PCDHGA3: variants seen among roughly 807,000 people sequenced by gnomAD.
The protein encoded by PCDHGA3 is protocadherin gamma subfamily A, 3, also known as protocadherin gamma-A3.
In PCDHGA3, 40 loss-of-function variants were observed where a neutral mutation model predicts 58.5. That is an observed-to-expected ratio of 0.68 (90% confidence interval 0.53 to 0.89). The LOEUF (loss-of-function observed/expected upper bound fraction) is 0.89, where lower values mean the gene tolerates loss of function less well. Ranked by LOEUF, PCDHGA3 falls within the 40% of genes least tolerant of loss-of-function variation. The pLI, the probability that PCDHGA3 is intolerant of heterozygous loss-of-function variation, is 0.00. For synonymous variants in PCDHGA3, 530 were observed against 525.7 expected, an observed-to-expected ratio of 1.01 and a Z score of -0.11; for missense variants, 1,223 against 1,195.9, an observed-to-expected ratio of 1.02 and a Z score of -0.33.
At position 141,344,299 on chromosome 5, in the gene PCDHGA3, G is replaced by T. The variant is rs776796046; in HGVS notation, c.266G>T (p.Arg89Met). 6.2e-7 allele frequency: 1 copy of T among 1,613,962 alleles called. No individual in the cohort carries two copies. Among genetic ancestry groups the T allele is most frequent in the African/African-American group, 1.3e-5 (1 of 74,932 alleles). ...PQSGSLVTAE[R>M]IDREELCAQI... ...AGCGGCAGCTTGGTCACCGCGGAGA[G>T]GATAGACCGGGAGGAGCTCTGCGCT... The change falls in exon 1 of 4, where the codon AGG becomes ATG. Residue 89 changes from arginine to methionine, a missense_variant. Physicochemically the swap from Arg to Met is moderately conservative, Grantham distance 91. Around this residue, in one of 3 missense-constraint regions of PCDHGA3, gnomAD observed 791 missense variants for 708.5 expected, o/e 1.12. Coordinates refer to ENST00000253812, the MANE Select transcript of PCDHGA3 (RefSeq NM_018916.4).
chr5:141,477,630 T>G lies in PCDHGA3; in HGVS notation c.2425-17177T>G. The G allele has an allele frequency of 6.2e-7, 1 of 1,614,228 alleles. No homozygotes were observed. The highest frequency in any genetic ancestry group is 8.5e-7 in the Non-Finnish European group (1 of 1,180,042). ...TTGGAGCAAGGAGCTGAAACCGGGC[T>G]AGTGGGTCGCTATTTCACAATAAAT... On this transcript the variant is annotated intron_variant, in intron 1 of 3. Coordinates refer to ENST00000253812, the MANE Select transcript of PCDHGA3 (RefSeq NM_018916.4). The surrounding 1 kb of genome is among the most constrained non-coding windows in gnomAD (Gnocchi z 4.9).
chr5:141,460,172 G>T (rs545017378), intron 1 of PCDHGA3, among the ~76,000 whole-genome samples: 1 of 151,852 alleles, frequency 6.6e-6, no homozygotes, highest in South Asian at 2.1e-4. Flanking sequence ...ATATTTTGTG[G>T]ATATTTTATC....
intron 1 of PCDHGA3, chr5:141,427,050 G>A (rs974721070): frequency 4.4e-6 from 2 of 457,372 alleles, no homozygotes; most frequent in Non-Finnish European, 4.4e-6. Flanking sequence ...TGTGCCCCCA[G>A]GCACCTCTGT....
chr5:141,370,935 A>T (rs961930132), intron 1 of PCDHGA3: 2 of 1,613,850 alleles, frequency 1.2e-6, no homozygotes, highest in Admixed American at 3.3e-5. Flanking sequence ...CTTCTCTTTG[A>T]TTCAGAAGGA....
rs1374592449 is a variant in PCDHGA3 at position 141,387,964 on chromosome 5, C to T, written c.2424+41507C>T. ...CTCTTCCTGCTGTCTTTGTTCTGCC[C>T]GGCGCTCTGTGAGCAGATCCGCTAC... On this transcript the variant is annotated intron_variant, in intron 1 of 3. Transcript: ENST00000253812. 1.3e-6 allele frequency: 2 copies of T among 1,493,070 alleles called. No individual in the cohort carries two copies. The highest frequency in any genetic ancestry group is 2.2e-5 in the Admixed American group (1 of 45,422). 92.5% of individuals were successfully genotyped at this position (1,493,070 alleles called of 1,614,324 possible).
intron 1 of PCDHGA3, chr5:141,428,659 G>A: frequency 6.1e-6 from 1 of 164,982 alleles, no homozygotes; most frequent in East Asian, 1.8e-4. Context: ...GAGTTCCAAT[G>A]AATGTCTTTC....
At position 141,344,582 on chromosome 5, in the gene PCDHGA3, T is replaced by C. The variant is rs756580240; in HGVS notation, c.549T>C (p.Asn183=). Reference sequence around the variant, plus strand: ...ATGACTACTTCTCTCTGGCTGTGAATAGCGTCTCTGAGGGGGCCAAGTATC... The same window carrying C: ...ATGACTACTTCTCTCTGGCTGTGAACAGCGTCTCTGAGGGGGCCAAGTATC... ...SPNDYFSLAV[N]SVSEGAKYPE... is the part of the protein sequence containing the mutation. Residue 183 remains asparagine (N), a synonymous_variant, in exon 1 of 4, where the codon AAT becomes AAC. Coordinates refer to ENST00000253812, the MANE Select transcript of PCDHGA3 (RefSeq NM_018916.4). 1.2e-5 allele frequency: 19 copies of C among 1,613,860 alleles called. No homozygotes were observed. The highest frequency in any genetic ancestry group is 1.7e-5 in the Admixed American group (1 of 60,004).
At chr5:141,506,829 T>C (rs1449718553) in intron 3 of PCDHGA3, among the ~76,000 whole-genome samples, 1 of 152,182 alleles carries the variant, frequency 6.6e-6, no homozygotes, top group African/African-American at 2.4e-5. Context: ...CATGAACTGA[T>C]AGCCCTGCCC....
At chr5:141,430,076 T>C (rs2097260023) in intron 1 of PCDHGA3, among the ~76,000 whole-genome samples, 1 of 152,208 alleles carries the variant, frequency 6.6e-6, no homozygotes, top group South Asian at 2.1e-4. Context: ...GTTTCCATAA[T>C]ATCATGAAAA....
At chr5:141,355,419 G>A in intron 1 of PCDHGA3, 1 of 1,614,042 alleles carries the variant, frequency 6.2e-7, no homozygotes, top group South Asian at 1.1e-5. Flanking sequence ...GTAGGACGCA[G>A]CTTTTCGCCC....
chr5:141,375,444 A>C, intron 1 of PCDHGA3: 4 of 1,613,844 alleles, frequency 2.5e-6, no homozygotes, highest in Non-Finnish European at 3.4e-6. Context: ...ACCTTCCCCC[A>C]TTCATCCTAC....
chr5:141,363,477 T>G (rs1011595673), intron 1 of PCDHGA3, among the ~76,000 whole-genome samples: 9 of 152,238 alleles, frequency 5.9e-5, no homozygotes, highest in Non-Finnish European at 1.0e-4. Context: ...CATGCTTTCC[T>G]GCATGGATGA....
intron 1 of PCDHGA3, chr5:141,387,709 A>G: frequency 2.0e-6 from 2 of 1,008,632 alleles, no homozygotes; most frequent in Non-Finnish European, 2.9e-6. Context: ...GGGCAGCCCC[A>G]GCTCAGACTC....
At position 141,403,424 on chromosome 5, in the gene PCDHGA3, A is replaced by G. The variant is rs771429615; in HGVS notation, c.2424+56967A>G. ...AGCACGTTATCCACTTCCAGAAGCT[A>G]TTGATCCGGATGTTGGCGTGAACTC... is the stretch of plus-strand genomic sequence containing the variant. On this transcript the variant is annotated intron_variant, in intron 1 of 3. Transcript: ENST00000253812. The G allele has an allele frequency of 3.1e-6, 5 of 1,613,932 alleles. No homozygotes were observed. In the African/African-American group the frequency reaches 4.0e-5, roughly 13 times the overall value.
chr5:141,390,000 A>G, intron 1 of PCDHGA3: 2 of 1,613,856 alleles, frequency 1.2e-6, no homozygotes, highest in Non-Finnish European at 1.7e-6. Flanking sequence ...CGTGGCCATG[A>G]TTCTGGCCAT....
At position 141,372,283 on chromosome 5, in the gene PCDHGA3, G is replaced by T. The variant is rs749946527; in HGVS notation, c.2424+25826G>T. On this transcript the variant is annotated intron_variant, in intron 1 of 3. Coordinates refer to ENST00000253812, the MANE Select transcript of PCDHGA3 (RefSeq NM_018916.4). Reference sequence around the variant, plus strand: ...CGCACGGGTGAGGTGCGCACGGCGCGTACCTTGGGCGACAGGGAGGCCGCC... The same window carrying T: ...CGCACGGGTGAGGTGCGCACGGCGCTTACCTTGGGCGACAGGGAGGCCGCC... 2.9e-5 allele frequency: 47 copies of T among 1,613,080 alleles called. No individual in the cohort carries two copies. Among genetic ancestry groups the T allele is most frequent in the Non-Finnish European group, 2.7e-5 (32 of 1,179,872 alleles).
In PCDHGA3 at chr5:141,365,423, G is replaced by A. The variant is rs182594355; in HGVS notation, c.2424+18966G>A. ...CTCTGAAGACTGTCTTCCCGGAACT[G>A]TAATCGCGCTGTTTAGCGTACATGA... On this transcript the variant is annotated intron_variant, in intron 1 of 3. Coordinates refer to ENST00000253812, the MANE Select transcript of PCDHGA3 (RefSeq NM_018916.4). 180 of 1,614,018 alleles carry A rather than the reference G, an allele frequency of 1.1e-4. No individual in the cohort carries two copies. In the East Asian group the frequency reaches 2.5e-3, roughly 23 times the overall value.
chr5:141,436,063 A>G (rs1406994228), intron 1 of PCDHGA3, among the ~76,000 whole-genome samples: 1 of 152,230 alleles, frequency 6.6e-6, no homozygotes, highest in Non-Finnish European at 1.5e-5. Flanking sequence ...ATAGAATTTA[A>G]TAAGTACAGT....
At position 141,418,775 on chromosome 5, in the gene PCDHGA3, C is replaced by T. The variant is rs773519128; in HGVS notation, c.2424+72318C>T. 4 of 1,613,764 alleles carry T rather than the reference C, an allele frequency of 2.5e-6. No individual in the cohort carries two copies. In the East Asian group the frequency reaches 6.7e-5, roughly 27 times the overall value. ...TACAGGAAACATTCTAACTCAGCAG[C>T]CTTTGGATTTTGAAGAAGTAGAAAG... On this transcript the variant is annotated intron_variant, in intron 1 of 3. Transcript: ENST00000253812.
Sources: allele counts gnomAD v4.1 joint callset (sites outside exome capture counted in the v4.1 genomes callset), GRCh38; gene constraint gnomAD v4.1.1; regional missense constraint gnomAD v4.1.1; non-coding constraint Gnocchi (gnomAD v3.1); transcripts MANE v1.5; gene names NCBI Gene and HGNC (gene_info 2026-07-23, HGNC 2026-07-21).